The following FSTL5 variants were observed in gnomAD, a reference collection of about 807,000 sequenced individuals.
FSTL5 encodes follistatin-related protein 5.
In FSTL5, 62 loss-of-function variants were observed where a neutral mutation model predicts 89.1. The observed-to-expected ratio is 0.70, with a 90% CI of 0.57 to 0.86. The LOEUF is 0.86. FSTL5 is among the 40% of genes least tolerant of loss of function. FSTL5 has a pLI of 0.00. For missense variants in FSTL5, 1,057 were observed against 1,001.6 expected (o/e 1.06, Z -0.75); for synonymous variants, 383 against 346.2 (o/e 1.11, Z -1.18).
chr4:161,992,019 T>C (rs1248050019), intron 3 of FSTL5, among the ~76,000 whole-genome samples: 1 of 152,158 alleles, frequency 6.6e-6, no homozygotes, highest in Non-Finnish European at 1.5e-5. Context: ...GGTGTTCCTG[T>C]TCAAGAAGCA....
Position 161,468,859 on chromosome 4 carries a change from T to C in FSTL5, c.1609-9540A>G, listed in dbSNP as rs563629949. On this transcript the variant is annotated intron_variant, in intron 13 of 15. Transcript: ENST00000306100. ...GTATTAATTGTGACTTTTGTTCTTG[T>C]TCTTTGCCAAAATTTCCAGATTTAT... is the stretch of plus-strand genomic sequence containing the variant. Among the ~76,000 whole-genome samples, 648 of 152,268 alleles carry C rather than the reference T, an allele frequency of 4.3e-3. 9 individuals are homozygous for C. Among genetic ancestry groups the C allele is most frequent in the Non-Finnish European group, 2.6e-3 (176 of 67,988 alleles).
At chr4:161,821,031 TTTTC>T (rs1351202060) in intron 4 of FSTL5, among the ~76,000 whole-genome samples, 5 of 151,834 alleles carry the variant, frequency 3.3e-5, no homozygotes, top group African/African-American at 9.7e-5. Context: ...TAAAAACAAG[TTTTC>T]TTTGTTTGTT....
intron 13 of FSTL5, among the ~76,000 whole-genome samples, chr4:161,479,169 T>C (rs765118273): frequency 1.3e-5 from 2 of 152,124 alleles, no homozygotes; most frequent in Non-Finnish European, 2.9e-5. Context: ...TCCACAATCA[T>C]GATTGTATCA....
intron 6 of FSTL5, among the ~76,000 whole-genome samples, chr4:161,752,711 G>A (rs548200349): frequency 6.6e-6 from 1 of 152,184 alleles, no homozygotes; most frequent in African/African-American, 2.4e-5. Context: ...TTTAATTCTG[G>A]TATGGACTGA....
At chr4:161,466,562 C>T (rs562357883) in intron 13 of FSTL5, among the ~76,000 whole-genome samples, 9 of 152,194 alleles carry the variant, frequency 5.9e-5, no homozygotes, top group Admixed American at 2.0e-4. Flanking sequence ...CTTAAGAGTA[C>T]TCCCGGGGTG....
intron 7 of FSTL5, among the ~76,000 whole-genome samples, chr4:161,645,231 A>C (rs899402396): frequency 1.6e-4 from 25 of 152,254 alleles, no homozygotes; most frequent in African/African-American, 6.0e-4. Flanking sequence ...ATAGATATTT[A>C]GCCAAAATTA....
At chr4:162,134,470 G>A (rs1055656132) in intron 1 of FSTL5, among the ~76,000 whole-genome samples, 4 of 152,132 alleles carry the variant, frequency 2.6e-5, no homozygotes. Context: ...TAGACCACCT[G>A]AGAATATTTC....
At chr4:161,661,328 C>A (rs571224599) in intron 6 of FSTL5, among the ~76,000 whole-genome samples, 21 of 152,162 alleles carry the variant, frequency 1.4e-4, no homozygotes, top group South Asian at 4.2e-4. Flanking sequence ...ATCTTATTAT[C>A]CTCATCATGC....
chr4:161,680,912 T>C (rs538008588), intron 6 of FSTL5, among the ~76,000 whole-genome samples: 77 of 152,156 alleles, frequency 5.1e-4, no homozygotes, highest in African/African-American at 1.8e-3. Flanking sequence ...TCTTTACTGT[T>C]TGTAAGTTCC....
chr4:161,443,761 A>G (rs1042647492), intron 15 of FSTL5, among the ~76,000 whole-genome samples: 1 of 151,956 alleles, frequency 6.6e-6, no homozygotes, highest in Non-Finnish European at 1.5e-5. Context: ...ATTGATAACA[A>G]TTAAGAGGAT....
chr4:161,894,635 T>C (rs1579174828), intron 4 of FSTL5, among the ~76,000 whole-genome samples: 2 of 152,244 alleles, frequency 1.3e-5, no homozygotes, highest in African/African-American at 4.8e-5. Context: ...TGTGCTGCCA[T>C]GCCTGGGAAA....
intron 2 of FSTL5, among the ~76,000 whole-genome samples, chr4:162,045,023 C>T (rs1187599394): frequency 6.6e-6 from 1 of 152,174 alleles, no homozygotes; most frequent in Admixed American, 6.5e-5. Flanking sequence ...CATACATTCA[C>T]TAAAGTAGCA....
At chr4:162,076,794 T>G (rs1429291955) in intron 2 of FSTL5, among the ~76,000 whole-genome samples, 3 of 151,966 alleles carry the variant, frequency 2.0e-5, no homozygotes, top group Admixed American at 2.0e-4. Context: ...CCTAAAATTA[T>G]GTCTTATATT....
At chr4:162,062,327 T>C (rs61413951) in intron 2 of FSTL5, among the ~76,000 whole-genome samples, 65,496 of 151,764 alleles carry the variant, frequency 0.43, 14,916 homozygotes, top group Middle Eastern at 0.56. Context: ...CATCTGTATA[T>C]ACAGAAAGAG....
intron 4 of FSTL5, among the ~76,000 whole-genome samples, chr4:161,819,949 T>G (rs1210193026): frequency 6.6e-6 from 1 of 151,494 alleles, no homozygotes; most frequent in Non-Finnish European, 1.5e-5. Flanking sequence ...AAAAATTAAG[T>G]TTTTTTTAAC....
chr4:161,804,852 T>A (rs1361870559), intron 4 of FSTL5, among the ~76,000 whole-genome samples: 1 of 152,004 alleles, frequency 6.6e-6, no homozygotes, highest in Admixed American at 6.6e-5. Context: ...GCCAATAAGA[T>A]CCTTAAGGTC....
At chr4:161,785,895 C>A (rs921154836) in intron 4 of FSTL5, among the ~76,000 whole-genome samples, 1 of 151,926 alleles carries the variant, frequency 6.6e-6, no homozygotes, top group Non-Finnish European at 1.5e-5. Context: ...ATATGCCTTG[C>A]CTCAATATCT....
At chr4:161,515,002 A>T (rs1730767781) in intron 10 of FSTL5, among the ~76,000 whole-genome samples, 1 of 152,152 alleles carries the variant, frequency 6.6e-6, no homozygotes, top group African/African-American at 2.4e-5. Flanking sequence ...CTAGATGGGA[A>T]TATAAACTAT....
intron 6 of FSTL5, among the ~76,000 whole-genome samples, chr4:161,717,437 C>A (rs1368871458): frequency 6.6e-6 from 1 of 152,026 alleles, no homozygotes; most frequent in Non-Finnish European, 1.5e-5. Flanking sequence ...TGGGGTATGC[C>A]AAAGTAGATA....
Sources: gnomAD v4.1 joint callset for allele counts (sites outside exome capture counted in the v4.1 genomes callset) on GRCh38, gnomAD v4.1.1 for gene constraint, MANE v1.5 for transcripts, NCBI Gene and HGNC (gene_info 2026-07-23, HGNC 2026-07-21) for gene names.